Variants in ARNT2 observed in about 807,000 individuals in gnomAD.
ARNT2 encodes the protein ARNT protein 2.
In ARNT2, 36 loss-of-function variants were observed where a neutral mutation model predicts 91.7. That is an observed-to-expected ratio of 0.39 (90% CI 0.30 to 0.52). The LOEUF (loss-of-function observed/expected upper bound fraction) is 0.52, where lower values mean the gene tolerates loss of function less well. Ranked by LOEUF, ARNT2 falls within the 20% of genes least tolerant of loss-of-function variation. The pLI, the probability that ARNT2 is intolerant of heterozygous loss-of-function variation, is 0.72. For synonymous variants in ARNT2, 365 were observed against 347.1 expected (o/e 1.05, Z -0.57); for missense variants, 775 against 939.3 (o/e 0.83, Z 2.29).
intron 10 of ARNT2, chr15:80,554,710 C>G (rs1898145433): frequency 5.6e-6 from 1 of 177,848 alleles, no homozygotes; most frequent in Non-Finnish European, 1.2e-5. Flanking sequence ...AGCAACACAT[C>G]TGTCCTCAGG....
At chr15:80,564,189 T>C (rs1420686136) in intron 12 of ARNT2, among the ~76,000 whole-genome samples, 1 of 152,042 alleles carries the variant, frequency 6.6e-6, no homozygotes, top group Non-Finnish European at 1.5e-5. Context: ...TCCATCATTT[T>C]CCCCAGTTCA....
chr15:80,433,423 C>T (rs1443363273), intron 1 of ARNT2, among the ~76,000 whole-genome samples: 1 of 151,714 alleles, frequency 6.6e-6, no homozygotes, highest in Non-Finnish European at 1.5e-5. Flanking sequence ...GTAGCTGGGT[C>T]TACAGGTGCA....
At chr15:80,466,160 T>C (rs1458155333) in intron 3 of ARNT2, among the ~76,000 whole-genome samples, 2 of 152,234 alleles carry the variant, frequency 1.3e-5, no homozygotes, top group African/African-American at 4.8e-5. Flanking sequence ...TTAAGGATGC[T>C]CTTTATTGAG....
rs765878820 is a variant in ARNT2, at chr15:80,513,254, G to GA, written c.726-657_726-656insA. On this transcript the variant is annotated intron_variant, in intron 6 of 18. Transcript: ENST00000303329. ...GAGAGGATCATTGTAAAGGGAGGCA[G>GA]GAAAGGTTGTCCCAGAGTGTACAGT... Among the ~76,000 whole-genome samples, 21 of 152,316 alleles carry GA rather than the reference G, an allele frequency of 1.4e-4. No homozygotes were observed. The East Asian group carries it at 2.7e-3, about 20-fold the overall frequency.
chr15:80,506,907 A>G (rs531911708), intron 5 of ARNT2, among the ~76,000 whole-genome samples: 2 of 152,164 alleles, frequency 1.3e-5, no homozygotes, highest in South Asian at 2.1e-4. Context: ...AAGGATAAGG[A>G]CAAGGTGGAG....
chr15:80,488,614 A>C (rs1897010598), intron 5 of ARNT2: 1 of 152,202 alleles, frequency 6.6e-6, no homozygotes. Context: ...ACCATAGTGA[A>C]GTTCAGACAT....
chr15:80,442,809 T>A, intron 1 of ARNT2: 1 of 979,630 alleles, frequency 1.0e-6, no homozygotes, highest in Non-Finnish European at 1.2e-6. Context: ...TTTTCTTCTG[T>A]CTCTAAAATT....
chr15:80,542,228 C>G (rs1369651037), intron 8 of ARNT2, among the ~76,000 whole-genome samples: 5 of 152,232 alleles, frequency 3.3e-5, no homozygotes, highest in Non-Finnish European at 7.3e-5. Context: ...AGCTTTCCCA[C>G]TTCACTTCTG....
Position 80,593,579 on chromosome 15 carries a change from C to T in ARNT2, c.2056-21C>T, listed in dbSNP as rs1169211616. The T allele has an allele frequency of 2.6e-6, 4 of 1,561,276 alleles. No homozygotes were observed. The African/African-American group carries it at 5.4e-5, about 21-fold the overall frequency. ...CAGAGGAGCTGACTCCCCTGTGGCT[C>T]TCTTTTCCTCTCCTCTGCAGGACAT... is the stretch of plus-strand genomic sequence containing the variant. On this transcript the variant is annotated intron_variant, in intron 18 of 18. Transcript: ENST00000303329.
At chr15:80,581,000 C>T in intron 16 of ARNT2, 1 of 564,576 alleles carries the variant, frequency 1.8e-6, no homozygotes, top group South Asian at 2.5e-5. Context: ...CTCCAGAGGG[C>T]CCGGATCCTC....
intron 5 of ARNT2, chr15:80,488,706 G>A (rs756393798): frequency 7.2e-5 from 11 of 151,748 alleles, no homozygotes; most frequent in Non-Finnish European, 1.3e-4. Flanking sequence ...CAAACCCCAC[G>A]CATAAATAAA....
intron 1 of ARNT2, among the ~76,000 whole-genome samples, chr15:80,417,794 A>G (rs1895807968): frequency 6.6e-6 from 1 of 152,154 alleles, no homozygotes; most frequent in South Asian, 2.1e-4. Context: ...CCAGCTGTGA[A>G]ATGAGGTGGC....
chr15:80,489,514 G>T (rs1373187444), intron 5 of ARNT2, among the ~76,000 whole-genome samples: 2 of 152,198 alleles, frequency 1.3e-5, no homozygotes, highest in Non-Finnish European at 2.9e-5. Context: ...CTTGAGCTGA[G>T]CGCACACGTT....
chr15:80,567,847 G>T (rs930938353), intron 12 of ARNT2, among the ~76,000 whole-genome samples: 8 of 152,210 alleles, frequency 5.3e-5, no homozygotes, highest in African/African-American at 1.9e-4. Flanking sequence ...ACTGTGGACG[G>T]TAGAGGGCAG....
At chr15:80,520,777 G>A (rs60274079) in intron 8 of ARNT2, among the ~76,000 whole-genome samples, 2,666 of 152,150 alleles carry the variant, frequency 0.018, 84 homozygotes, top group African/African-American at 0.061. Context: ...GTTTGGATAC[G>A]TGGGTGTTTG....
rs1893343535 is a variant in ARNT2, at chr15:80,594,682, T to C, written c.*984T>C. On this transcript the variant is annotated 3_prime_UTR_variant, in exon 19 of 19. Transcript: ENST00000303329. Reference sequence around the variant, plus strand: ...ATCCCACATAAGCATGTCTCATCCTTGCCCCACTGGTGAGAGGAGGACCTT... The same window carrying C: ...ATCCCACATAAGCATGTCTCATCCTCGCCCCACTGGTGAGAGGAGGACCTT... 6.6e-6 allele frequency: 1 copy of C among 152,494 alleles called. No individual in the cohort carries two copies. Among genetic ancestry groups the C allele is most frequent in the African/African-American group, 2.4e-5 (1 of 41,464 alleles). The allele number at this position is 152,494 out of a possible 1,614,324, so 9.4% of individuals were successfully genotyped here.
intron 8 of ARNT2, among the ~76,000 whole-genome samples, chr15:80,538,992 A>G (rs1225786151): frequency 6.6e-6 from 1 of 152,152 alleles, no homozygotes; most frequent in Non-Finnish European, 1.5e-5. Flanking sequence ...GGAAGGAAGT[A>G]ACCAAATTTG....
chr15:80,585,977 A>G (rs1194780507), intron 17 of ARNT2, among the ~76,000 whole-genome samples: 3 of 152,236 alleles, frequency 2.0e-5, no homozygotes, highest in Non-Finnish European at 4.4e-5. Context: ...TTTCAGTATC[A>G]TGAAACAGGG....
chr15:80,579,451 A>G (rs1898751548), intron 15 of ARNT2, among the ~76,000 whole-genome samples: 1 of 152,182 alleles, frequency 6.6e-6, no homozygotes, highest in Non-Finnish European at 1.5e-5. Context: ...TAGGAAACTT[A>G]TTAGAATACA....
Sources: gnomAD v4.1 joint callset for allele counts (sites outside exome capture counted in the v4.1 genomes callset) on GRCh38, gnomAD v4.1.1 for gene constraint, MANE v1.5 for transcripts, NCBI Gene and HGNC (gene_info 2026-07-23, HGNC 2026-07-21) for gene names.